VPS13B: variants seen among roughly 807,000 people sequenced by gnomAD.
The protein encoded by VPS13B is vacuolar protein sorting 13 homolog B.
VPS13B carries 285 observed loss-of-function variants against 426.4 expected under a neutral mutation model. That is an observed-to-expected ratio of 0.67 (90% CI 0.61 to 0.74). The LOEUF (loss-of-function observed/expected upper bound fraction) is 0.74, where lower values mean the gene tolerates loss of function less well. VPS13B is among the 30% of genes least tolerant of loss of function. The pLI is 0.00. For synonymous variants in VPS13B, 1,676 were observed against 1,676.4 expected (o/e 1.00, Z 0.01); for missense variants, 4,537 against 4,782.6 (o/e 0.95, Z 1.51).
At chr8:99,595,078 T>G (rs991844180) in intron 33 of VPS13B, among the ~76,000 whole-genome samples, 1 of 152,030 alleles carries the variant, frequency 6.6e-6, no homozygotes, top group Non-Finnish European at 1.5e-5. Flanking sequence ...TCATAAGCTC[T>G]GTATGGTTAG....
intron 34 of VPS13B, among the ~76,000 whole-genome samples, chr8:99,654,795 T>A (rs1473643527): frequency 6.6e-6 from 1 of 152,112 alleles, no homozygotes; most frequent in Non-Finnish European, 1.5e-5. Context: ...GTCCTTTAAA[T>A]TCTCTGTAAG....
chr8:99,235,768 AGT>A (rs1816610004), intron 17 of VPS13B, among the ~76,000 whole-genome samples: 2 of 152,188 alleles, frequency 1.3e-5, no homozygotes, highest in South Asian at 4.1e-4. Context: ...ACACATTTTC[AGT>A]GTTATTTCGT....
At chr8:99,293,136 A>C (rs1355969458) in intron 19 of VPS13B, among the ~76,000 whole-genome samples, 3 of 150,432 alleles carry the variant, frequency 2.0e-5, no homozygotes, top group African/African-American at 7.4e-5. Context: ...ACCTGACTTC[A>C]AACTATACTA....
chr8:99,498,005 A>C (rs941761041), intron 25 of VPS13B, among the ~76,000 whole-genome samples: 1 of 152,130 alleles, frequency 6.6e-6, no homozygotes, highest in Non-Finnish European at 1.5e-5. Context: ...GGTTAGAAAA[A>C]TGAAGGTTAT....
At chr8:99,535,043 A>G (rs1475530903) in intron 30 of VPS13B, among the ~76,000 whole-genome samples, 2 of 152,102 alleles carry the variant, frequency 1.3e-5, no homozygotes, top group Non-Finnish European at 2.9e-5. Flanking sequence ...ACTAGTGTCC[A>G]TTTTCAGCCA....
chr8:99,654,244 T>G (rs1829937543), intron 34 of VPS13B, among the ~76,000 whole-genome samples: 1 of 151,102 alleles, frequency 6.6e-6, no homozygotes, highest in African/African-American at 2.4e-5. Context: ...GAGACGGGGT[T>G]TCACTGTGTT....
chr8:99,209,731 A>G, intron 17 of VPS13B: 1 of 977,732 alleles, frequency 1.0e-6, no homozygotes, highest in Non-Finnish European at 1.2e-6. Flanking sequence ...TTATAATTTC[A>G]TGTAATACAT....
chr8:99,657,470 T>TTGTGTGTGTGTGTGTG (rs34355540), intron 34 of VPS13B, among the ~76,000 whole-genome samples: 6,506 of 146,874 alleles, frequency 0.044, 195 homozygotes, highest in African/African-American at 0.078. Flanking sequence ...ACTTTAAAAA[T>TTGTGTGTGTGTGTGTG]TGTGTGTGTG....
chr8:99,842,980 C>G (rs900913342), intron 54 of VPS13B, among the ~76,000 whole-genome samples: 4 of 152,064 alleles, frequency 2.6e-5, no homozygotes, highest in Admixed American at 6.5e-5. Flanking sequence ...TGGCAAAATT[C>G]TGTTGCTATG....
Position 99,821,408 on chromosome 8 carries a change from G to A in VPS13B, c.9109G>A (p.Glu3037Lys). 6.2e-7 allele frequency: 1 copy of A among 1,613,880 alleles called. No individual in the cohort carries two copies. The highest frequency in any genetic ancestry group is 8.5e-7 in the Non-Finnish European group (1 of 1,179,848). ...AAAGTGGAAAGATGGAGGTAATGGT[G>A]AAGTTGTGACACTGGATGAAGAAGC... ...SPKWKDGGNG[E>K]VVTLDEEAFV... Residue 3037 changes from glutamate to lysine, a missense_variant, in exon 50 of 62, where the codon GAA becomes AAA. By Grantham distance (56) the Glu-to-Lys change is moderately conservative. Coordinates refer to ENST00000357162, the MANE Select transcript of VPS13B (RefSeq NM_152564.5).
intron 17 of VPS13B, among the ~76,000 whole-genome samples, chr8:99,204,182 C>T (rs966263229): frequency 4.6e-5 from 7 of 152,142 alleles, no homozygotes; most frequent in African/African-American, 1.4e-4. Context: ...TGGAACAGAA[C>T]AGAGGCCTCA....
intron 22 of VPS13B, 64 bp downstream of exon 22, chr8:99,431,728 G>A: frequency 1.3e-6 from 2 of 1,521,106 alleles, no homozygotes; most frequent in Non-Finnish European, 1.8e-6. Context: ...TCCCAGCATT[G>A]TTAATATTGG....
chr8:99,046,111 A>T (rs1415589468), intron 3 of VPS13B, among the ~76,000 whole-genome samples: 1 of 151,966 alleles, frequency 6.6e-6, no homozygotes, highest in African/African-American at 2.4e-5. Flanking sequence ...TGGGAATTGT[A>T]TTGAATTTGT....
At chr8:99,430,025 T>C (rs1239253670) in intron 21 of VPS13B, among the ~76,000 whole-genome samples, 1 of 152,154 alleles carries the variant, frequency 6.6e-6, no homozygotes, top group African/African-American at 2.4e-5. Context: ...TACCTTTAAC[T>C]TCAGACATTC....
chr8:99,202,147 C>T (rs1029012530), intron 17 of VPS13B, among the ~76,000 whole-genome samples: 8 of 151,986 alleles, frequency 5.3e-5, no homozygotes, highest in Admixed American at 3.9e-4. Flanking sequence ...CTAGGTGATC[C>T]GTTATTTTGG....
At chr8:99,218,956 C>A (rs1815533217) in intron 17 of VPS13B, among the ~76,000 whole-genome samples, 1 of 152,142 alleles carries the variant, frequency 6.6e-6, no homozygotes, top group Non-Finnish European at 1.5e-5. Context: ...ATCCAGGCAG[C>A]AATTGTGACA....
intron 33 of VPS13B, among the ~76,000 whole-genome samples, chr8:99,601,074 C>A (rs766279977): frequency 6.6e-6 from 1 of 151,840 alleles, no homozygotes; most frequent in Admixed American, 6.6e-5. Context: ...TAGGTATACA[C>A]GTACCATGGT....
chr8:99,028,963 G>C (rs1452802545), intron 2 of VPS13B, among the ~76,000 whole-genome samples: 3 of 142,966 alleles, frequency 2.1e-5, no homozygotes, highest in Non-Finnish European at 3.1e-5. Context: ...CGGACGGAGG[G>C]GCTCCTCACT....
chr8:99,747,089 T>C (rs191232119), intron 39 of VPS13B, among the ~76,000 whole-genome samples: 40 of 152,258 alleles, frequency 2.6e-4, no homozygotes, highest in African/African-American at 9.4e-4. Flanking sequence ...AGCTGATGTC[T>C]ATATGACCTC....
Sources: gnomAD v4.1 joint callset for allele counts (sites outside exome capture counted in the v4.1 genomes callset) on GRCh38, gnomAD v4.1.1 for gene constraint, MANE v1.5 for transcripts, NCBI Gene and HGNC (gene_info 2026-07-23, HGNC 2026-07-21) for gene names.